Variants in SLC1A1 observed in about 807,000 individuals in gnomAD.
SLC1A1 encodes the protein excitatory amino acid transporter 3.
Under a neutral mutation model 53.3 loss-of-function variants are expected in SLC1A1, and 43 were observed. The observed-to-expected ratio is 0.81, with a 90% confidence interval of 0.63 to 1.04. SLC1A1 has a LOEUF of 1.04. SLC1A1 is among the 50% of genes least tolerant of loss of function. The pLI is 0.00. For synonymous variants in SLC1A1, 307 were observed against 243.2 expected, an observed-to-expected ratio of 1.26 and a Z score of -2.44; for missense variants, 748 against 664.9, an observed-to-expected ratio of 1.12 and a Z score of -1.37.
chr9:4,568,632 G>T (rs1819719412), intron 6 of SLC1A1, among the ~76,000 whole-genome samples: 1 of 150,828 alleles, frequency 6.6e-6, no homozygotes, highest in Non-Finnish European at 1.5e-5. Flanking sequence ...GAGGCAGGAG[G>T]ATCGTTTGAG....
At chr9:4,534,174 T>C (rs1027140924) in intron 1 of SLC1A1, among the ~76,000 whole-genome samples, 2 of 151,860 alleles carry the variant, frequency 1.3e-5, no homozygotes, top group African/African-American at 2.4e-5. Context: ...GCAAACACAT[T>C]CAAAAGCTAG....
At position 4,583,261 on chromosome 9, in the gene SLC1A1, T is replaced by G; in HGVS notation, c.1328+89T>G. On this transcript the variant is annotated intron_variant, in intron 11 of 11. Coordinates refer to ENST00000262352, the MANE Select transcript of SLC1A1 (RefSeq NM_004170.6). The surrounding 1 kb of genome is among the most constrained non-coding windows in gnomAD (Gnocchi z 4.6). ...GCTGCAGTCTGTCATCATTCTCTCC[T>G]CAGATTGCCTAATGAGCCACCTGTT... 1 of 1,533,856 alleles carries G rather than the reference T, an allele frequency of 6.5e-7. No homozygotes were observed. The highest frequency in any genetic ancestry group is 9.0e-7 in the Non-Finnish European group (1 of 1,109,184).
chr9:4,509,073 T>A (rs550214772), intron 1 of SLC1A1, among the ~76,000 whole-genome samples: 14 of 152,260 alleles, frequency 9.2e-5, no homozygotes, highest in African/African-American at 3.4e-4. Context: ...GGTGGCTTTT[T>A]AACTAGGCTT....
At chr9:4,516,396 T>C (rs1821162046) in intron 1 of SLC1A1, among the ~76,000 whole-genome samples, 1 of 152,236 alleles carries the variant, frequency 6.6e-6, no homozygotes, top group Admixed American at 6.5e-5. Flanking sequence ...TCTTGATCTT[T>C]TTTTTCTCTC....
intron 5 of SLC1A1, among the ~76,000 whole-genome samples, chr9:4,566,321 T>G (rs771478416): frequency 2.1e-4 from 32 of 152,196 alleles, no homozygotes; most frequent in Non-Finnish European, 4.0e-4. Flanking sequence ...TTTATGCTTT[T>G]TCCCCCAAAA....
At chr9:4,577,766 C>A (rs1056345509) in intron 10 of SLC1A1, among the ~76,000 whole-genome samples, 2 of 152,194 alleles carry the variant, frequency 1.3e-5, no homozygotes, top group Non-Finnish European at 2.9e-5. Context: ...TGAGCCACCA[C>A]GCCCGGCAGA....
chr9:4,509,622 A>G (rs1820928812), intron 1 of SLC1A1, among the ~76,000 whole-genome samples: 1 of 152,046 alleles, frequency 6.6e-6, no homozygotes, highest in Non-Finnish European at 1.5e-5. Context: ...ACTGCCTCTC[A>G]TTTGCTAAAC....
At chr9:4,580,303 G>A (rs1462277703) in intron 10 of SLC1A1, among the ~76,000 whole-genome samples, 1 of 152,088 alleles carries the variant, frequency 6.6e-6, no homozygotes, top group Non-Finnish European at 1.5e-5. Flanking sequence ...TTATACAGCA[G>A]GGCGCAGAGG....
intron 2 of SLC1A1, among the ~76,000 whole-genome samples, chr9:4,558,503 G>C (rs192831524): frequency 6.6e-6 from 1 of 152,348 alleles, no homozygotes; most frequent in African/African-American, 2.4e-5. Context: ...CTCCAGGACA[G>C]AGGGGAAATT....
intron 1 of SLC1A1, among the ~76,000 whole-genome samples, chr9:4,521,850 G>A (rs1026248453): frequency 6.6e-6 from 1 of 152,080 alleles, no homozygotes; most frequent in Admixed American, 6.6e-5. Context: ...CCTTTACAAA[G>A]GGAGCAGCCC....
rs1342587593 is a variant in SLC1A1 at position 4,523,354 on chromosome 9, T to C, written c.92-21213T>C. Among the ~76,000 whole-genome samples, 9 of 150,402 alleles carry C rather than the reference T, an allele frequency of 6.0e-5. 1 individual carries two copies. On this transcript the variant is annotated intron_variant, in intron 1 of 11. Transcript: ENST00000262352. ...TCAGAAGATACCAAATGCCTTTTCT[T>C]TTTTTTTTTCCACATGCCATTTGTT...
intron 2 of SLC1A1, among the ~76,000 whole-genome samples, chr9:4,550,958 T>C (rs1006692848): frequency 6.6e-6 from 1 of 152,130 alleles, no homozygotes; most frequent in Non-Finnish European, 1.5e-5. Context: ...GAAACATTCA[T>C]TTACAAAAAC....
At chr9:4,565,080 C>G (rs1469236320) in intron 4 of SLC1A1, among the ~76,000 whole-genome samples, 2 of 152,164 alleles carry the variant, frequency 1.3e-5, no homozygotes, top group African/African-American at 2.4e-5. Flanking sequence ...AACTTTTAGA[C>G]ATTGCAAAGA....
rs1564040494 is a variant in SLC1A1, at chr9:4,561,430, A to T, written c.233-19A>T. 1 of 1,455,592 alleles carries T rather than the reference A, an allele frequency of 6.9e-7. No homozygotes were observed. Among genetic ancestry groups the T allele is most frequent in the East Asian group, 2.3e-5 (1 of 44,162 alleles). 90.2% of individuals were successfully genotyped at this position (1,455,592 alleles called of 1,614,324 possible). A position where few individuals can be genotyped will look rare whatever the true frequency, so the allele number is the denominator to read the frequency against. On this transcript the variant is annotated intron_variant, in intron 2 of 11. Coordinates refer to ENST00000262352, the MANE Select transcript of SLC1A1 (RefSeq NM_004170.6). The stretch of plus-strand genomic sequence containing the variant: ...TGTCTTTTAAAATTAATGTAATTTG[A>T]TTTCTGTCTCCCCTTCAGGTGTTGC...
At chr9:4,495,178 A>G (rs1820372058) in intron 1 of SLC1A1, among the ~76,000 whole-genome samples, 1 of 152,190 alleles carries the variant, frequency 6.6e-6, no homozygotes, top group Non-Finnish European at 1.5e-5. Flanking sequence ...TTGTCTGTGA[A>G]GCCCCTGAGG....
intron 1 of SLC1A1, among the ~76,000 whole-genome samples, chr9:4,532,146 C>G (rs932409029): frequency 6.6e-6 from 1 of 152,096 alleles, no homozygotes; most frequent in African/African-American, 2.4e-5. Context: ...AAAATCAGAG[C>G]GCCTCTCCTC....
intron 1 of SLC1A1, among the ~76,000 whole-genome samples, chr9:4,499,371 A>G (rs978370507): frequency 2.0e-5 from 3 of 152,130 alleles, no homozygotes; most frequent in African/African-American, 7.2e-5. Context: ...CATCTATCTT[A>G]TCTCCTTAGT....
intron 1 of SLC1A1, among the ~76,000 whole-genome samples, chr9:4,531,848 T>A (rs1251919702): frequency 6.6e-6 from 1 of 152,140 alleles, no homozygotes; most frequent in Non-Finnish European, 1.5e-5. Flanking sequence ...GGTAACCCTC[T>A]GAGACAAAAT....
chr9:4,546,243 T>C (rs1421799326), intron 2 of SLC1A1, among the ~76,000 whole-genome samples: 1 of 152,222 alleles, frequency 6.6e-6, no homozygotes, highest in Non-Finnish European at 1.5e-5. Context: ...GAACATTTAA[T>C]TATTTTTATG....
Sources: gnomAD v4.1 joint callset for allele counts (sites outside exome capture counted in the v4.1 genomes callset) on GRCh38, gnomAD v4.1.1 for gene constraint, Gnocchi (gnomAD v3.1) non-coding constraint, MANE v1.5 for transcripts, NCBI Gene and HGNC (gene_info 2026-07-23, HGNC 2026-07-21) for gene names.